The following NBEAL2 variants were observed in gnomAD, a reference collection of about 807,000 sequenced individuals.
NBEAL2 encodes the protein neurobeachin like 2.
A neutral mutation model predicts 299.8 loss-of-function variants in NBEAL2; 160 were observed. That is an observed-to-expected ratio of 0.53 (90% CI 0.47 to 0.61). The LOEUF is 0.61. NBEAL2 is among the 20% of genes least tolerant of loss of function. NBEAL2 has a pLI of 0.00. For synonymous variants in NBEAL2, 1,493 were observed against 1,542.3 expected (o/e 0.97, Z 0.75); for missense variants, 3,112 against 3,649.0 (o/e 0.85, Z 3.79).
chr3:46,997,199 G>C, intron 18 of NBEAL2, 60 bp from the exon 19 acceptor site: 6 of 1,600,048 alleles, frequency 3.7e-6, no homozygotes, highest in Admixed American at 1.7e-5. Flanking sequence ...GTCTGCTGGG[G>C]TGGAGTAGGG....
chr3:46,994,149 T>C (rs911745077), intron 11 of NBEAL2, 129 bp downstream of exon 11: 5 of 928,078 alleles, frequency 5.4e-6, no homozygotes, highest in African/African-American at 4.9e-5. Flanking sequence ...AGCTGGGAGG[T>C]GACTGCCCTG....
chr3:47,009,259 C>A lies in NBEAL2; in HGVS notation c.8204C>A (p.Ser2735Ter). 6.2e-7 allele frequency: 1 copy of A among 1,602,186 alleles called. No individual in the cohort carries two copies. Among genetic ancestry groups the A allele is most frequent in the Non-Finnish European group, 8.5e-7 (1 of 1,175,722 alleles). ...TTCGCGCGGAAGCTGTGGCGGTCCT[C>A]GCGGCGCATCTCCCAGGTGTCCTCG... ...SQFARKLWRSSRRISQVSSGE... is the reference protein window; with the variant it reads ...SQFARKLWRS The change falls in exon 54 of 54, where the codon TCG (serine) becomes TAG (stop). Residue 2735 changes from serine (S) to a stop codon, truncating the protein, a stop_gained. Coordinates refer to ENST00000450053, the MANE Select transcript of NBEAL2 (RefSeq NM_015175.3). LOFTEE classifies it high-confidence loss of function.
Position 47,001,630 on chromosome 3 carries a change from T to C in NBEAL2, c.4645-59T>C. 1 of 1,596,622 alleles carries C rather than the reference T, an allele frequency of 6.3e-7. No individual in the cohort carries two copies. The highest frequency in any genetic ancestry group is 8.6e-7 in the Non-Finnish European group (1 of 1,168,170). On this transcript the variant is annotated intron_variant, in intron 29 of 53. Transcript: ENST00000450053. This position sits in a 1 kb window ranked among gnomAD's most constrained non-coding sequence, Gnocchi z 6.1. Reference sequence around the variant, plus strand: ...CAGCGCAAACTTTACTTTGCTCCCTTTCCATGGACTCCTGGCCTCCCCTGG... The same window carrying C: ...CAGCGCAAACTTTACTTTGCTCCCTCTCCATGGACTCCTGGCCTCCCCTGG...
Position 47,007,923 on chromosome 3 carries a change from G to C in NBEAL2, c.7602+13G>C. On this transcript the variant is annotated intron_variant, in intron 49 of 53. Transcript: ENST00000450053. ...GCTCCTGCATCAGGTGTGCCTCGTG[G>C]GCAGCTCTGTGGGGCCCCCGTAGCC... The C allele has an allele frequency of 6.2e-7, 1 of 1,609,644 alleles. No homozygotes were observed. Among genetic ancestry groups the C allele is most frequent in the Non-Finnish European group, 8.5e-7 (1 of 1,178,028 alleles).
At position 46,996,558 on chromosome 3, in the gene NBEAL2, G is replaced by A; in HGVS notation, c.2439G>A (p.Leu813=). Residue 813 remains leucine, a synonymous_variant, in exon 16 of 54, where the codon CTG becomes CTA. Transcript: ENST00000450053. ...CTGTGGCCATCTTTCACGAAGCCCTGCAGGCGACGGCTCTGAGGACCCTGT... is the reference window on the plus strand; with the variant it reads ...CTGTGGCCATCTTTCACGAAGCCCTACAGGCGACGGCTCTGAGGACCCTGT... The part of the protein sequence containing the change: ...LGAVAIFHEA[L]QATALRTLCT... 5 of 1,539,780 alleles carry A rather than the reference G, an allele frequency of 3.2e-6. No homozygotes were observed. The highest frequency in any genetic ancestry group is 4.4e-6 in the Non-Finnish European group (5 of 1,140,670).
Position 47,002,146 on chromosome 3 carries a change from C to T in NBEAL2, c.5009C>T (p.Thr1670Met), listed in dbSNP as rs1015625474. 69 of 1,543,572 alleles carry T rather than the reference C, an allele frequency of 4.5e-5. No homozygotes were observed. Among genetic ancestry groups the T allele is most frequent in the South Asian group, 9.5e-5 (8 of 84,010 alleles). Residue 1670 changes from threonine to methionine, a missense_variant, in exon 31 of 54, where the codon ACG (threonine) becomes ATG (methionine). Around this residue, in one of 3 missense-constraint regions of NBEAL2, gnomAD observed 2,243 missense variants for 2,538.1 expected, o/e 0.88. Coordinates refer to ENST00000450053, the MANE Select transcript of NBEAL2 (RefSeq NM_015175.3). The stretch of plus-strand genomic sequence containing the variant: ...TCCTGGCTGGTGCCACTGGTGCGCA[C>T]GCTGCTAGACCGTGCCTATGAGCCG... ...RCSWLVPLVR[T>M]LLDRAYEPLG...
rs184442245 is a variant in NBEAL2 at position 46,997,019 on chromosome 3, C to T, written c.2622C>T (p.Gly874=). Residue 874 remains glycine, a synonymous_variant, in exon 18 of 54, where the codon GGC becomes GGT. Transcript: ENST00000450053. ...ATGGGCTTGATGGGCGCCTGACGGG[C>T]CACAGAGTGGAGACCTGGGATGTGA... ...PSHGLDGRLT[G]HRVETWDVKD... 1.9e-6 allele frequency: 3 copies of T among 1,613,304 alleles called. No homozygotes were observed. The East Asian group carries it at 6.7e-5, about 36-fold the overall frequency.
rs754972577 is a variant in NBEAL2 at position 46,999,975 on chromosome 3, T to C, written c.3876T>C (p.Tyr1292=). 20 of 1,612,066 alleles carry C rather than the reference T, an allele frequency of 1.2e-5. No individual in the cohort carries two copies. Among genetic ancestry groups the C allele is most frequent in the Non-Finnish European group, 1.7e-5 (20 of 1,179,856 alleles). The change falls in exon 27 of 54, where the codon TAT becomes TAC. Residue 1292 remains tyrosine, a synonymous_variant. Coordinates refer to ENST00000450053, the MANE Select transcript of NBEAL2 (RefSeq NM_015175.3). ...GGCAAGATGTGCTGACCCGGCTATA[T>C]GTCCTGGAGGCTGCCACAGCCGGCA... ...AGWQDVLTRL[Y]VLEAATAGSP...
At position 47,009,403 on chromosome 3, in the gene NBEAL2, C is replaced by T. The variant is rs1559627041; in HGVS notation, c.*83C>T. 5.3e-6 allele frequency: 7 copies of T among 1,332,084 alleles called. No homozygotes were observed. Among genetic ancestry groups the T allele is most frequent in the South Asian group, 4.0e-5 (3 of 75,780 alleles). The allele number at this position is 1,332,084 out of a possible 1,614,324, so 82.5% of individuals were successfully genotyped here. A position where few individuals can be genotyped will look rare whatever the true frequency, so the allele number is the denominator to read the frequency against. ...CGCCCAGAAGTCGGCGGGAACACCC[C>T]GGGGTGGGCAGCCCAGGGGGGTGAG... On this transcript the variant is annotated 3_prime_UTR_variant, in exon 54 of 54. Transcript: ENST00000450053.
In NBEAL2 at chr3:47,002,774, G is replaced by T. The variant is rs778615420; in HGVS notation, c.5431G>T (p.Ala1811Ser). Residue 1811 changes from alanine (A) to serine (S), a missense_variant, in exon 33 of 54, where the codon GCC becomes TCC. Around this residue, in one of 3 missense-constraint regions of NBEAL2, gnomAD observed 2,243 missense variants for 2,538.1 expected, o/e 0.88. Coordinates refer to ENST00000450053, the MANE Select transcript of NBEAL2 (RefSeq NM_015175.3). ...LHWGALWRQL[A>S]SPCGAWALRD... ...CTGGGGGGCGCTGTGGCGCCAGCTC[G>T]CCAGCCCATGTGGGGCCTGGGCGCT... 2 of 1,504,358 alleles carry T rather than the reference G, an allele frequency of 1.3e-6. No homozygotes were observed. The highest frequency in any genetic ancestry group is 3.8e-5 in the Admixed American group (2 of 52,094). The allele number at this position is 1,504,358 out of a possible 1,614,324, so 93.2% of individuals were successfully genotyped here. A position where few individuals can be genotyped will look rare whatever the true frequency, so the allele number is the denominator to read the frequency against.
rs998030944 is a variant in NBEAL2, at chr3:47,003,674, T to C, written c.5721-142T>C. The stretch of plus-strand genomic sequence containing the variant: ...GGGACAGGGGCTGGGACCAGTAGGT[T>C]CTGGACCCTAGGCAGCCCCTCCCCA... On this transcript the variant is annotated intron_variant, in intron 35 of 53. Transcript: ENST00000450053. The surrounding 1 kb of genome is among the most constrained non-coding windows in gnomAD (Gnocchi z 7.0). 2.6e-6 allele frequency: 3 copies of C among 1,160,910 alleles called. No homozygotes were observed. The highest frequency in any genetic ancestry group is 2.4e-6 in the Non-Finnish European group (2 of 840,914). 71.9% of individuals were successfully genotyped at this position (1,160,910 alleles called of 1,614,324 possible).
In NBEAL2 at chr3:46,989,291, G is replaced by A. The variant is rs748340884; in HGVS notation, c.383G>A (p.Gly128Asp). Reference protein sequence around the residue: ...LKGCPPPQGRGTQLENVALHA... With the variant: ...LKGCPPPQGRDTQLENVALHA... ...GGATGCCCACCACCCCAGGGCCGAG[G>A]CACGCAGTTGGAGAATGTGGCCCTA... is the stretch of plus-strand genomic sequence containing the variant. Residue 128 changes from glycine (G) to aspartate (D), a missense_variant, in exon 5 of 54, where the codon GGC (glycine) becomes GAC (aspartate). This residue lies in a region of NBEAL2 where 2,243 missense variants were observed against 2,538.1 expected (regional missense o/e 0.88). Coordinates refer to ENST00000450053, the MANE Select transcript of NBEAL2 (RefSeq NM_015175.3). The surrounding 1 kb of genome is among the most constrained non-coding windows in gnomAD (Gnocchi z 5.5). The A allele has an allele frequency of 2.5e-6, 4 of 1,608,892 alleles. No homozygotes were observed. The highest frequency in any genetic ancestry group is 2.5e-6 in the Non-Finnish European group (3 of 1,177,642).
chr3:47,002,916 A>G (rs778670526), intron 33 of NBEAL2, 41 bp from the exon 34 acceptor site: 32 of 1,605,368 alleles, frequency 2.0e-5, no homozygotes, highest in Middle Eastern at 3.4e-4. Flanking sequence ...GGGGGTGTCT[A>G]CAGCCTTCTA....
chr3:47,002,408 A>G lies in NBEAL2; in HGVS notation c.5189A>G (p.Tyr1730Cys). The G allele has an allele frequency of 6.2e-7, 1 of 1,613,652 alleles. No homozygotes were observed. The highest frequency in any genetic ancestry group is 1.6e-4 in the Middle Eastern group (1 of 6,062). ...ATGTCCCAGTTCGAAATGGACACGT[A>G]TGCTAAGAGCCACGACCTTATGTCA... ...PTMSQFEMDT[Y>C]AKSHDLMSGF... Residue 1730 changes from tyrosine (Y) to cysteine (C), a missense_variant, in exon 32 of 54, where the codon TAT becomes TGT. By Grantham distance (194) the Tyr-to-Cys change is radical. Around this residue, in one of 3 missense-constraint regions of NBEAL2, gnomAD observed 2,243 missense variants for 2,538.1 expected, o/e 0.88. Transcript: ENST00000450053.
Position 46,989,435 on chromosome 3 carries a change from C to T in NBEAL2, c.473+54C>T, listed in dbSNP as rs553427955. The T allele has an allele frequency of 2.7e-5, 42 of 1,563,530 alleles. 1 individual carries two copies. The South Asian group carries it at 3.2e-4, about 12-fold the overall frequency. On this transcript the variant is annotated intron_variant, in intron 5 of 53. Coordinates refer to ENST00000450053, the MANE Select transcript of NBEAL2 (RefSeq NM_015175.3). This position sits in a 1 kb window ranked among gnomAD's most constrained non-coding sequence, Gnocchi z 5.5. ...CAGAGGAGGGTGGGGAGAGGATGGC[C>T]GCGCTGGGCCCAAGGAGGGGTGACG...
chr3:46,989,015 G>C lies in NBEAL2; in HGVS notation c.269+45G>C. On this transcript the variant is annotated intron_variant, in intron 3 of 53. Transcript: ENST00000450053. This position sits in a 1 kb window ranked among gnomAD's most constrained non-coding sequence, Gnocchi z 5.5. ...TACAAGCAGGGGCCTAGAACTGTGG[G>C]CCAGAGGGAGAGGGGACAAGGAGGG... The C allele has an allele frequency of 6.2e-7, 1 of 1,611,818 alleles. No individual in the cohort carries two copies. Among genetic ancestry groups the C allele is most frequent in the Non-Finnish European group, 8.5e-7 (1 of 1,178,902 alleles).
Position 46,991,852 on chromosome 3 carries a change from T to G in NBEAL2, c.938T>G (p.Met313Arg). ...GACCCTTCCACAGACGCCATCCCCA[T>G]GATGCTGGCATGTGAAGACCGGCCA... Reference protein sequence around the residue: ...LRVSMLDAIPMMLACEDRPVL... With the variant: ...LRVSMLDAIPRMLACEDRPVL... Residue 313 changes from methionine (M) to arginine (R), a missense_variant, in exon 9 of 54, where the codon ATG (methionine) becomes AGG (arginine). Physicochemically the swap from Met to Arg is moderately conservative, Grantham distance 91. Coordinates refer to ENST00000450053, the MANE Select transcript of NBEAL2 (RefSeq NM_015175.3). The surrounding 1 kb of genome is among the most constrained non-coding windows in gnomAD (Gnocchi z 6.2). 1 of 1,598,452 alleles carries G rather than the reference T, an allele frequency of 6.3e-7. No homozygotes were observed.
Position 46,999,437 on chromosome 3 carries a change from G to A in NBEAL2, c.3666G>A (p.Gln1222=), listed in dbSNP as rs1236353709. Residue 1222 remains glutamine (Q), a synonymous_variant, in exon 25 of 54, where the codon CAG becomes CAA. Coordinates refer to ENST00000450053, the MANE Select transcript of NBEAL2 (RefSeq NM_015175.3). ...TGCCTGAGGGGACTGTTTCCCCCCAGCTCTGCCAGGGCCTCTACAAGCTGT... is the reference window on the plus strand; with the variant it reads ...TGCCTGAGGGGACTGTTTCCCCCCAACTCTGCCAGGGCCTCTACAAGCTGT... ...ACLPEGTVSP[Q]LCQGLYKLFL... 6.3e-7 allele frequency: 1 copy of A among 1,585,004 alleles called. No homozygotes were observed. Among genetic ancestry groups the A allele is most frequent in the Non-Finnish European group, 8.6e-7 (1 of 1,166,106 alleles).
At chr3:46,992,656 TG>T in intron 10 of NBEAL2, 101 bp downstream of exon 10, 1 of 1,151,098 alleles carries the variant, frequency 8.7e-7, no homozygotes. Context: ...GTGTAAGGCC[TG>T]GTGTGGTCTA....
Sources: gnomAD v4.1 joint callset for allele counts on GRCh38, gnomAD v4.1.1 for gene constraint, gnomAD v4.1.1 regional missense constraint, Gnocchi (gnomAD v3.1) non-coding constraint, MANE v1.5 for transcripts, NCBI Gene and HGNC (gene_info 2026-07-23, HGNC 2026-07-21) for gene names.